TANC2: variants seen among roughly 807,000 people sequenced by gnomAD.
TANC2 encodes the protein protein TANC2.
In TANC2, 26 loss-of-function variants were observed where a neutral mutation model predicts 210.5. The observed-to-expected ratio is 0.12, with a 90% confidence interval of 0.09 to 0.17. The LOEUF is 0.17. TANC2 is among the 10% of genes least tolerant of loss of function. The pLI is 1.00. For missense variants in TANC2, 2,129 were observed against 2,608.9 expected, an observed-to-expected ratio of 0.82 and a Z score of 4.01; for synonymous variants, 931 against 967.1, an observed-to-expected ratio of 0.96 and a Z score of 0.69.
In TANC2 at chr17:62,973,647, T is replaced by TC. The variant is rs1248090946; in HGVS notation, c.-24+6899dup. Among the ~76,000 whole-genome samples, 7 of 152,220 alleles carry TC rather than the reference T, an allele frequency of 4.6e-5. No individual in the cohort carries two copies. In the East Asian group the frequency reaches 1.2e-3, roughly 25 times the overall value. ...ACCCTAAAGATAAACCAGATTTTGT[T>TC]CTTTTTTATGTTTGCTGGTGGCAAG... is the stretch of plus-strand genomic sequence containing the variant. On this transcript the variant is annotated intron_variant, in intron 1 of 27. Coordinates refer to ENST00000689528, the Ensembl canonical transcript of TANC2.
chr17:63,208,230 G>A (rs1185382916), intron 7 of TANC2, among the ~76,000 whole-genome samples: 1 of 152,130 alleles, frequency 6.6e-6, no homozygotes, highest in Non-Finnish European at 1.5e-5. Context: ...ATTGGTACAA[G>A]AGTACAAATT....
At chr17:63,411,638 T>C (rs752382994) in exon 22 of TANC2, 1 of 1,613,938 alleles carries the variant, frequency 6.2e-7, no homozygotes, top group South Asian at 1.1e-5. Flanking sequence ...CTGACAAGAA[T>C]GGCCGTACCC....
intron 26 of TANC2, among the ~76,000 whole-genome samples, chr17:63,417,470 G>T (rs2048899736): frequency 6.6e-6 from 1 of 152,054 alleles, no homozygotes; most frequent in Non-Finnish European, 1.5e-5. Flanking sequence ...GGAATGACAT[G>T]CCTGTGAGCG....
At chr17:63,426,287 T>G (rs953793198) in exon 28 of TANC2, 2 of 152,372 alleles carry the variant, frequency 1.3e-5, no homozygotes, top group Admixed American at 1.3e-4. Flanking sequence ...AACAAAGGGC[T>G]TAGGGGCAAG....
At chr17:63,325,559 A>G (rs1452749577) in intron 11 of TANC2, among the ~76,000 whole-genome samples, 2 of 152,184 alleles carry the variant, frequency 1.3e-5, no homozygotes, top group Non-Finnish European at 2.9e-5. Flanking sequence ...TACTTGTTTA[A>G]TTGCCTCTGT....
intron 1 of TANC2, among the ~76,000 whole-genome samples, chr17:62,975,579 G>T (rs2031956011): frequency 6.8e-6 from 1 of 147,290 alleles, no homozygotes; most frequent in Non-Finnish European, 1.5e-5. Flanking sequence ...TTAATGTAGA[G>T]ACAGACTTTG....
At chr17:63,093,401 T>C (rs868473828) in intron 3 of TANC2, among the ~76,000 whole-genome samples, 6 of 152,284 alleles carry the variant, frequency 3.9e-5, no homozygotes, top group Middle Eastern at 3.4e-3. Flanking sequence ...TCCTTTCACC[T>C]TTGTCACAAA....
At chr17:63,074,711 C>T (rs1381282812) in intron 3 of TANC2, among the ~76,000 whole-genome samples, 1 of 152,006 alleles carries the variant, frequency 6.6e-6, no homozygotes, top group East Asian at 1.9e-4. Context: ...CTGCTGTATC[C>T]TTATGTGCCA....
intron 14 of TANC2, among the ~76,000 whole-genome samples, chr17:63,376,288 A>AAT (rs1192098555): frequency 7.2e-4 from 109 of 151,496 alleles, no homozygotes; most frequent in African/African-American, 2.4e-3. Flanking sequence ...CAAAAAAAAA[A>AAT]AAAAATTAGC....
chr17:63,079,829 C>G (rs187419665), intron 3 of TANC2, among the ~76,000 whole-genome samples: 3 of 152,292 alleles, frequency 2.0e-5, no homozygotes, highest in Non-Finnish European at 4.4e-5. Context: ...TGATCTGTCT[C>G]TCTGGTACAG....
chr17:63,292,538 A>G (rs1157576275), intron 9 of TANC2, among the ~76,000 whole-genome samples: 3 of 152,238 alleles, frequency 2.0e-5, no homozygotes, highest in South Asian at 2.1e-4. Flanking sequence ...AATTATTGCT[A>G]TGAAAGTGAA....
intron 21 of TANC2, among the ~76,000 whole-genome samples, chr17:63,407,056 A>G (rs1024651245): frequency 2.0e-5 from 3 of 152,236 alleles, no homozygotes; most frequent in African/African-American, 7.2e-5. Context: ...CCTTCAAGAA[A>G]ACCAACCTCC....
chr17:63,294,909 A>G (rs72845250), intron 9 of TANC2, among the ~76,000 whole-genome samples: 360 of 152,168 alleles, frequency 2.4e-3, no homozygotes, highest in Non-Finnish European at 4.6e-3. Flanking sequence ...TATAGTTGGG[A>G]TGATAACTTG....
intron 2 of TANC2, among the ~76,000 whole-genome samples, chr17:63,035,056 C>G (rs752082236): frequency 1.3e-5 from 2 of 152,102 alleles, no homozygotes; most frequent in Non-Finnish European, 2.9e-5. Flanking sequence ...AGAAATCTTT[C>G]ATGAAAGGAA....
chr17:63,329,826 A>G lies in TANC2; in HGVS notation c.1576-10275A>G, dbSNP rs1775557350. Among the ~76,000 whole-genome samples, 3 of 152,176 alleles carry G rather than the reference A, an allele frequency of 2.0e-5. No individual in the cohort carries two copies. The South Asian group carries it at 6.2e-4, about 32-fold the overall frequency. ...TATTGAAATTAGGCCAATGAATAAC[A>G]TCATAATGGCCTCCAAGTGTTCAAG... On this transcript the variant is annotated intron_variant, in intron 11 of 27. Coordinates refer to ENST00000689528, the Ensembl canonical transcript of TANC2.
intron 7 of TANC2, among the ~76,000 whole-genome samples, chr17:63,221,180 G>A (rs2042177987): frequency 6.6e-6 from 1 of 152,084 alleles, no homozygotes; most frequent in South Asian, 2.1e-4. Flanking sequence ...GCTCAAGCCT[G>A]TAATCTTGGC....
intron 7 of TANC2, among the ~76,000 whole-genome samples, chr17:63,201,854 A>G (rs1276866444): frequency 1.3e-5 from 2 of 152,096 alleles, no homozygotes; most frequent in Admixed American, 6.5e-5. Flanking sequence ...GAGATAGGCC[A>G]TCATCATTTA....
chr17:63,319,198 C>A, intron 11 of TANC2, 108 bp downstream of exon 11: 2 of 1,132,364 alleles, frequency 1.8e-6, no homozygotes, highest in Non-Finnish European at 1.2e-6. Flanking sequence ...AAAGCTATAC[C>A]ATGAGAACGT....
intron 7 of TANC2, among the ~76,000 whole-genome samples, chr17:63,201,532 C>A (rs2041534112): frequency 6.6e-6 from 1 of 151,782 alleles, no homozygotes; most frequent in African/African-American, 2.4e-5. Context: ...ATTTTTATGG[C>A]AAGCTTGGGC....
Sources: allele counts gnomAD v4.1 joint callset (sites outside exome capture counted in the v4.1 genomes callset), GRCh38; gene constraint gnomAD v4.1.1; transcripts MANE v1.5; gene names NCBI Gene and HGNC (gene_info 2026-07-23, HGNC 2026-07-21).